The following CDH6 variants were observed in gnomAD, a reference collection of about 807,000 sequenced individuals.
CDH6 encodes cadherin-6.
Under a neutral mutation model 78.0 loss-of-function variants are expected in CDH6, and 31 were observed. That is an observed-to-expected ratio of 0.40 (90% CI 0.30 to 0.54). The LOEUF (loss-of-function observed/expected upper bound fraction) is 0.54. CDH6 is among the 20% of genes least tolerant of loss of function. CDH6 has a pLI of 0.56. For missense variants in CDH6, 724 were observed against 975.9 expected, an observed-to-expected ratio of 0.74 and a Z score of 3.44; for synonymous variants, 376 against 368.8, an observed-to-expected ratio of 1.02 and a Z score of -0.23.
Position 31,294,227 on chromosome 5 carries a change from C to T in CDH6, c.494C>T (p.Thr165Ile), listed in dbSNP as rs761373211. ...NEPIFTKEVY[T>I]ATVPEMSDVG... is the part of the protein sequence containing the mutation. ...CCAATATTCACCAAGGAGGTTTACA[C>T]AGCCACTGTCCCTGAAATGTCTGAT... Residue 165 changes from threonine to isoleucine, a missense_variant, in exon 3 of 12, where the codon ACA (threonine) becomes ATA (isoleucine). By Grantham distance (89) the Thr-to-Ile change is moderately conservative (BLOSUM62 -1). Around this residue, in one of 3 missense-constraint regions of CDH6, gnomAD observed 446 missense variants for 684.5 expected, o/e 0.65. Transcript: ENST00000265071. The surrounding 1 kb of genome is among the most constrained non-coding windows in gnomAD (Gnocchi z 4.1). 6.2e-7 allele frequency: 1 copy of T among 1,613,658 alleles called. No homozygotes were observed. Among genetic ancestry groups the T allele is most frequent in the Non-Finnish European group, 8.5e-7 (1 of 1,179,724 alleles).
At chr5:31,268,993 C>G (rs1742442590) in intron 2 of CDH6, among the ~76,000 whole-genome samples, 1 of 152,160 alleles carries the variant, frequency 6.6e-6, no homozygotes, top group Non-Finnish European at 1.5e-5. Context: ...GAAATTCACA[C>G]TCTGTGTGAC....
At chr5:31,201,551 A>G (rs1226115304) in intron 1 of CDH6, among the ~76,000 whole-genome samples, 2 of 152,212 alleles carry the variant, frequency 1.3e-5, no homozygotes, top group East Asian at 1.9e-4. Flanking sequence ...TAAAATGTCA[A>G]TTCTTTCATG....
intron 1 of CDH6, among the ~76,000 whole-genome samples, chr5:31,263,535 G>A (rs758083851): frequency 2.7e-5 from 4 of 145,462 alleles, no homozygotes; most frequent in Non-Finnish European, 4.5e-5. Flanking sequence ...CACCCACCTC[G>A]GCCTTCCAAA....
intron 1 of CDH6, among the ~76,000 whole-genome samples, chr5:31,226,529 G>A (rs993977764): frequency 3.3e-5 from 5 of 152,210 alleles, no homozygotes; most frequent in East Asian, 1.9e-4. Context: ...GTAATCAGCC[G>A]CTTTCTTTTC....
chr5:31,288,957 G>C (rs1457931347), intron 2 of CDH6, among the ~76,000 whole-genome samples: 5 of 152,024 alleles, frequency 3.3e-5, no homozygotes, highest in Non-Finnish European at 5.9e-5. Flanking sequence ...TGTTTTTGTT[G>C]GGGGGAGAGG....
At chr5:31,200,089 G>T (rs921666306) in intron 1 of CDH6, among the ~76,000 whole-genome samples, 4 of 152,138 alleles carry the variant, frequency 2.6e-5, no homozygotes, top group Non-Finnish European at 5.9e-5. Flanking sequence ...GAGCTTGGCA[G>T]ATGTGAAGGC....
At chr5:31,254,388 C>T (rs1741995304) in intron 1 of CDH6, among the ~76,000 whole-genome samples, 2 of 152,108 alleles carry the variant, frequency 1.3e-5, no homozygotes, top group East Asian at 1.9e-4. Context: ...TCAGTAAGAA[C>T]GAATCTTCTA....
chr5:31,285,633 A>G (rs1561057769), intron 2 of CDH6, among the ~76,000 whole-genome samples: 2 of 152,352 alleles, frequency 1.3e-5, no homozygotes, highest in East Asian at 1.9e-4. Context: ...TTATGAAATA[A>G]TGTTTCCATG....
At position 31,326,137 on chromosome 5, in the gene CDH6, G is replaced by GA. The variant is rs555783142; in HGVS notation, c.*2830dup. The stretch of plus-strand genomic sequence containing the variant: ...AATTTTAGATGTTGGTGATGGGAAA[G>GA]ATGGAAGGAGAGTGGGAAGAAGTAA... On this transcript the variant is annotated 3_prime_UTR_variant, in exon 12 of 12. Transcript: ENST00000265071. The GA allele has an allele frequency of 1.7e-3, 390 of 230,392 alleles. 1 individual carries two copies. The highest frequency in any genetic ancestry group is 8.1e-3 in the African/African-American group (369 of 45,306). The allele number at this position is 230,392 out of a possible 1,614,324, so 14.3% of individuals were successfully genotyped here.
intron 1 of CDH6, among the ~76,000 whole-genome samples, chr5:31,262,580 G>A (rs1742239162): frequency 6.6e-6 from 1 of 152,164 alleles, no homozygotes; most frequent in African/African-American, 2.4e-5. Context: ...TTATCGAGTT[G>A]TTCATGTTTC....
Position 31,267,410 on chromosome 5 carries a change from C to A in CDH6, c.-64C>A. 2.7e-6 allele frequency: 3 copies of A among 1,129,096 alleles called. No individual in the cohort carries two copies. The highest frequency in any genetic ancestry group is 4.0e-6 in the Non-Finnish European group (3 of 742,738). 69.9% of individuals were successfully genotyped at this position (1,129,096 alleles called of 1,614,324 possible). On this transcript the variant is annotated 5_prime_UTR_variant, in exon 2 of 12. Transcript: ENST00000265071. ...AGGAGGAATGAGGCTGGATACGGTG[C>A]AGTGAAAAAGGCACTTCCAAGAGTG... is the stretch of plus-strand genomic sequence containing the variant.
chr5:31,279,403 A>C (rs1035127790), intron 2 of CDH6, among the ~76,000 whole-genome samples: 8 of 151,926 alleles, frequency 5.3e-5, no homozygotes, highest in African/African-American at 1.9e-4. Context: ...CTCCATCTCT[A>C]CCAAAAAAGA....
intron 1 of CDH6, among the ~76,000 whole-genome samples, chr5:31,206,018 C>A (rs1740507853): frequency 6.6e-6 from 1 of 152,140 alleles, no homozygotes; most frequent in Admixed American, 6.5e-5. Flanking sequence ...ATAGTTGGTT[C>A]TTTTTGGAGC....
rs539290132 is a variant in CDH6 at position 31,253,712 on chromosome 5, A to C, written c.-128-13634A>C. On this transcript the variant is annotated intron_variant, in intron 1 of 11. Coordinates refer to ENST00000265071, the MANE Select transcript of CDH6 (RefSeq NM_004932.4). ...TATATTCAATCAATAGCACTGTATC[A>C]TATTTAATTTTTATAATAAACCTGT... Among the ~76,000 whole-genome samples, 6 of 152,316 alleles carry C rather than the reference A, an allele frequency of 3.9e-5. No individual in the cohort carries two copies. The South Asian group carries it at 1.0e-3, about 26-fold the overall frequency.
intron 1 of CDH6, among the ~76,000 whole-genome samples, chr5:31,220,912 A>AT (rs1326919992): frequency 1.3e-5 from 2 of 151,290 alleles, no homozygotes; most frequent in Admixed American, 6.6e-5. Context: ...AACTAAAGGG[A>AT]TTTTTTTCCA....
intron 2 of CDH6, among the ~76,000 whole-genome samples, chr5:31,292,744 T>C (rs1455949164): frequency 1.9e-5 from 2 of 106,256 alleles, no homozygotes; most frequent in Admixed American, 2.3e-4. Flanking sequence ...ACCTGCAGAC[T>C]GAATATATAT....
In CDH6 at chr5:31,323,091, G is replaced by T; in HGVS notation, c.2156G>T (p.Arg719Met). ...NTDVRDFINQ[R>M]LKENDTDPTA... ...GATGTCAGAGATTTCATTAACCAAAGGTTAAAGGAAAATGACACGGACCCC... is the reference window on the plus strand; with the variant it reads ...GATGTCAGAGATTTCATTAACCAAATGTTAAAGGAAAATGACACGGACCCC... Residue 719 changes from arginine to methionine, a missense_variant, in exon 12 of 12, where the codon AGG becomes ATG. Physicochemically the swap from Arg to Met is moderately conservative, Grantham distance 91. Around this residue, in one of 3 missense-constraint regions of CDH6, gnomAD observed 220 missense variants for 240.6 expected, o/e 0.91. Transcript: ENST00000265071. 1 of 1,614,164 alleles carries T rather than the reference G, an allele frequency of 6.2e-7. No individual in the cohort carries two copies. The highest frequency in any genetic ancestry group is 8.5e-7 in the Non-Finnish European group (1 of 1,180,028).
rs538279479 is a variant in CDH6 at position 31,255,413 on chromosome 5, C to T, written c.-128-11933C>T. 8.5e-5 allele frequency among the ~76,000 whole-genome samples: 13 copies of T among 152,282 alleles called. No individual in the cohort carries two copies. In the East Asian group the frequency reaches 2.5e-3, roughly 29 times the overall value. ...ACATGTATTAATTAACTTGTTCTGGCAAGTGTTTAGTAAACATCGAACAAG... is the reference window on the plus strand; with the variant it reads ...ACATGTATTAATTAACTTGTTCTGGTAAGTGTTTAGTAAACATCGAACAAG... On this transcript the variant is annotated intron_variant, in intron 1 of 11. Coordinates refer to ENST00000265071, the MANE Select transcript of CDH6 (RefSeq NM_004932.4).
chr5:31,261,649 T>C (rs1742215497), intron 1 of CDH6, among the ~76,000 whole-genome samples: 2 of 152,210 alleles, frequency 1.3e-5, no homozygotes, highest in Non-Finnish European at 2.9e-5. Context: ...AGGCTCCGCA[T>C]ACTAAAGAAC....
Sources: allele counts gnomAD v4.1 joint callset (sites outside exome capture counted in the v4.1 genomes callset), GRCh38; gene constraint gnomAD v4.1.1; regional missense constraint gnomAD v4.1.1; non-coding constraint Gnocchi (gnomAD v3.1); transcripts MANE v1.5; gene names NCBI Gene and HGNC (gene_info 2026-07-23, HGNC 2026-07-21).